MAP2: variants seen among roughly 807,000 people sequenced by gnomAD.
The protein encoded by MAP2 is microtubule associated protein 2, also known as microtubule-associated protein 2.
MAP2 carries 14 observed loss-of-function variants against 137.6 expected under a neutral mutation model. That is an observed-to-expected ratio of 0.10 (90% CI 0.07 to 0.16). The LOEUF (loss-of-function observed/expected upper bound fraction) is 0.16, where lower values mean the gene tolerates loss of function less well. Ranked by LOEUF, MAP2 falls within the 10% of genes least tolerant of loss-of-function variation. MAP2 has a pLI of 1.00. For synonymous variants in MAP2, 786 were observed against 782.3 expected, an observed-to-expected ratio of 1.00 and a Z score of -0.08; for missense variants, 2,088 against 2,191.5, an observed-to-expected ratio of 0.95 and a Z score of 0.94.
chr2:209,722,143 A>G (rs924785203), intron 13 of MAP2: 1 of 152,236 alleles, frequency 6.6e-6, no homozygotes, highest in African/African-American at 2.4e-5. Flanking sequence ...TTATTGTTAG[A>G]TACAGACTCT....
chr2:209,477,362 G>A (rs1707524980), intron 1 of MAP2, among the ~76,000 whole-genome samples: 2 of 150,876 alleles, frequency 1.3e-5, no homozygotes, highest in African/African-American at 2.4e-5. Context: ...GAAATATGAA[G>A]AAGTCAAACT....
At chr2:209,709,318 A>G (rs1188811944) in intron 12 of MAP2, among the ~76,000 whole-genome samples, 1 of 152,178 alleles carries the variant, frequency 6.6e-6, no homozygotes, top group Non-Finnish European at 1.5e-5. Context: ...TGAAAAGAAT[A>G]CATGATATAG....
intron 5 of MAP2, among the ~76,000 whole-genome samples, chr2:209,665,916 A>G (rs761032836): frequency 2.0e-5 from 3 of 152,148 alleles, no homozygotes; most frequent in Non-Finnish European, 2.9e-5. Context: ...AAATCTAATC[A>G]TTAAGTATTT....
At chr2:209,658,489 GA>G (rs201714752) in intron 5 of MAP2, among the ~76,000 whole-genome samples, 1,732 of 149,984 alleles carry the variant, frequency 0.012, 32 homozygotes, top group African/African-American at 0.04. Flanking sequence ...CTAAAGAGAG[GA>G]AAAAAAAATT....
intron 13 of MAP2, among the ~76,000 whole-genome samples, chr2:209,714,774 C>T (rs2066872467): frequency 6.6e-6 from 1 of 152,256 alleles, no homozygotes. Flanking sequence ...CTCACATTAC[C>T]TGCATCTTGC....
intron 5 of MAP2, chr2:209,661,610 A>G (rs2043671215): frequency 2.0e-6 from 2 of 985,326 alleles, no homozygotes; most frequent in South Asian, 4.7e-5. Context: ...TTTTCCTTCT[A>G]AAGGTTAGGC....
chr2:209,611,351 C>A (rs1364710271), intron 3 of MAP2, among the ~76,000 whole-genome samples: 1 of 151,998 alleles, frequency 6.6e-6, no homozygotes, highest in Non-Finnish European at 1.5e-5. Flanking sequence ...TTGGTGTCAA[C>A]ACATGTTTGG....
intron 1 of MAP2, among the ~76,000 whole-genome samples, chr2:209,427,678 G>A (rs1272994762): frequency 2.0e-5 from 3 of 152,108 alleles, no homozygotes; most frequent in Non-Finnish European, 4.4e-5. Context: ...TACCATTTAT[G>A]TATTTATTTA....
intron 7 of MAP2, among the ~76,000 whole-genome samples, chr2:209,684,230 T>A (rs775243484): frequency 6.6e-6 from 1 of 152,226 alleles, no homozygotes; most frequent in Non-Finnish European, 1.5e-5. Flanking sequence ...GAACCAGGAT[T>A]CTTTCTGCCC....
intron 2 of MAP2, among the ~76,000 whole-genome samples, chr2:209,536,939 G>A (rs1012887609): frequency 6.6e-6 from 1 of 152,086 alleles, no homozygotes; most frequent in African/African-American, 2.4e-5. Flanking sequence ...CATTATGTGT[G>A]TACATACTGT....
intron 2 of MAP2, among the ~76,000 whole-genome samples, chr2:209,575,731 G>A (rs1399524384): frequency 6.6e-6 from 1 of 152,038 alleles, no homozygotes; most frequent in African/African-American, 2.4e-5. Context: ...GTGCCAGTAC[G>A]CTCCAGGCAC....
At chr2:209,494,846 G>A (rs1319940250) in intron 1 of MAP2, among the ~76,000 whole-genome samples, 1 of 152,134 alleles carries the variant, frequency 6.6e-6, no homozygotes, top group Non-Finnish European at 1.5e-5. Flanking sequence ...TGGTTTTCAG[G>A]TTTCTTCAAA....
intron 1 of MAP2, among the ~76,000 whole-genome samples, chr2:209,458,953 C>T (rs1702146786): frequency 6.6e-6 from 1 of 152,156 alleles, no homozygotes; most frequent in Non-Finnish European, 1.5e-5. Context: ...ATTTATAATA[C>T]ATGTAAAGTG....
chr2:209,639,255 A>G lies in MAP2; in HGVS notation c.-29-13887A>G, dbSNP rs775465619. Among the ~76,000 whole-genome samples, 23 of 152,286 alleles carry G rather than the reference A, an allele frequency of 1.5e-4. 1 individual carries two copies. The highest frequency in any genetic ancestry group is 6.8e-3 in the Middle Eastern group (2 of 294). On this transcript the variant is annotated intron_variant, in intron 4 of 15. Transcript: ENST00000682079. ...CTGAATTCAAAACATAATAATGTCA[A>G]TACCCATCAAAATTGTATAAAACAT...
At chr2:209,708,970 G>T (rs2064431467) in intron 12 of MAP2, among the ~76,000 whole-genome samples, 1 of 152,096 alleles carries the variant, frequency 6.6e-6, no homozygotes, top group Non-Finnish European at 1.5e-5. Context: ...TTTATAAGGT[G>T]TTGCATTCTT....
intron 1 of MAP2, among the ~76,000 whole-genome samples, chr2:209,450,506 A>G (rs968368700): frequency 1.3e-5 from 2 of 152,176 alleles, no homozygotes; most frequent in African/African-American, 4.8e-5. Context: ...ATAATTTCTA[A>G]TATCTACTTC....
At chr2:209,665,070 T>C (rs2045692809) in intron 5 of MAP2, among the ~76,000 whole-genome samples, 1 of 151,172 alleles carries the variant, frequency 6.6e-6, no homozygotes, top group Non-Finnish European at 1.5e-5. Flanking sequence ...GTAAGGACTT[T>C]AAAAGTGTCG....
intron 1 of MAP2, among the ~76,000 whole-genome samples, chr2:209,434,660 A>AT (rs968497948): frequency 3.5e-4 from 52 of 148,412 alleles, no homozygotes; most frequent in African/African-American, 1.1e-3. Flanking sequence ...CTACAAAATA[A>AT]TTTTTTTTTT....
intron 1 of MAP2, among the ~76,000 whole-genome samples, chr2:209,467,361 T>C (rs1704393283): frequency 2.0e-5 from 3 of 152,120 alleles, no homozygotes; most frequent in Non-Finnish European, 2.9e-5. Flanking sequence ...TGATTAATCA[T>C]TTCTAACGTC....
Sources: allele counts gnomAD v4.1 joint callset (sites outside exome capture counted in the v4.1 genomes callset), GRCh38; gene constraint gnomAD v4.1.1; transcripts MANE v1.5; gene names NCBI Gene and HGNC (gene_info 2026-07-23, HGNC 2026-07-21).